The following OCIAD1 variants were observed in gnomAD, a reference collection of about 807,000 sequenced individuals.
OCIAD1 encodes the protein OCIA domain containing 1, also known as OCIA domain-containing protein 1.
OCIAD1 carries 29 observed loss-of-function variants against 38.9 expected under a neutral mutation model. The observed-to-expected ratio is 0.74, with a 90% CI of 0.55 to 1.02. OCIAD1 has a LOEUF of 1.02. Ranked by LOEUF, OCIAD1 falls within the 50% of genes least tolerant of loss-of-function variation. The probability of loss-of-function intolerance (pLI) is 0.00; values close to 1 mark genes in which losing one functional copy is unlikely to be tolerated. For synonymous variants in OCIAD1, 110 were observed against 92.0 expected (o/e 1.20, Z -1.12); for missense variants, 288 against 289.6 (o/e 0.99, Z 0.04).
intron 1 of OCIAD1, among the ~76,000 whole-genome samples, chr4:48,807,385 C>T (rs1777039300): frequency 6.6e-6 from 1 of 151,986 alleles, no homozygotes. Context: ...AATCCTGGAT[C>T]TACTACTTAT....
intron 6 of OCIAD1, among the ~76,000 whole-genome samples, chr4:48,850,838 G>A (rs930240657): frequency 2.0e-5 from 3 of 152,196 alleles, no homozygotes; most frequent in African/African-American, 7.2e-5. Context: ...GCCTCCCAAA[G>A]TGCTGGGATT....
At chr4:48,831,352 T>G in intron 1 of OCIAD1, 103 bp downstream of exon 1, 2 of 479,896 alleles carry the variant, frequency 4.2e-6, no homozygotes, top group Non-Finnish European at 3.8e-6. Flanking sequence ...TTTTCCTGCC[T>G]GTGAGGGTGG....
intron 1 of OCIAD1, among the ~76,000 whole-genome samples, chr4:48,806,082 C>T (rs1360239186): frequency 1.3e-5 from 2 of 152,170 alleles, no homozygotes; most frequent in Admixed American, 6.6e-5. Flanking sequence ...GCCTGGCCAA[C>T]ATGGTGAAAC....
chr4:48,850,152 A>G (rs1779306802), intron 6 of OCIAD1, 70 bp downstream of exon 6: 1 of 1,510,172 alleles, frequency 6.6e-7, no homozygotes, highest in South Asian at 1.2e-5. Context: ...GCTATAACTC[A>G]TGGCTCAAAA....
chr4:48,806,353 C>G (rs1777024342), intron 1 of OCIAD1, among the ~76,000 whole-genome samples: 1 of 152,172 alleles, frequency 6.6e-6, no homozygotes, highest in Non-Finnish European at 1.5e-5. Flanking sequence ...TTTTGGACAA[C>G]TTTGGAAAAG....
At chr4:48,825,276 C>G (rs1777238027) in intron 1 of OCIAD1, among the ~76,000 whole-genome samples, 1 of 152,194 alleles carries the variant, frequency 6.6e-6, no homozygotes, top group Admixed American at 6.5e-5. Flanking sequence ...CTAGCTGCAC[C>G]TTGGGATTCC....
intron 3 of OCIAD1, among the ~76,000 whole-genome samples, chr4:48,840,157 T>A (rs1166996142): frequency 6.6e-6 from 1 of 152,252 alleles, no homozygotes; most frequent in South Asian, 2.1e-4. Flanking sequence ...AAAGACATTG[T>A]GGTGAATGGC....
chr4:48,806,033 G>A (rs1362938474), intron 1 of OCIAD1, among the ~76,000 whole-genome samples: 4 of 152,164 alleles, frequency 2.6e-5, no homozygotes, highest in East Asian at 1.9e-4. Flanking sequence ...TTGGGAGGCC[G>A]AGGCAGGCAG....
At chr4:48,822,808 A>G (rs551207537) in intron 1 of OCIAD1, among the ~76,000 whole-genome samples, 148 of 152,372 alleles carry the variant, frequency 9.7e-4, no homozygotes, top group African/African-American at 3.4e-3. Context: ...ATCACTGGTC[A>G]TTAGAGAAAT....
chr4:48,816,973 C>CA (rs1375179526), intron 1 of OCIAD1, among the ~76,000 whole-genome samples: 8 of 151,878 alleles, frequency 5.3e-5, no homozygotes, highest in Non-Finnish European at 1.0e-4. Flanking sequence ...CCCTCCTCCC[C>CA]AAAAAAAGGG....
chr4:48,859,659 C>T (rs1435057782), intron 8 of OCIAD1, among the ~76,000 whole-genome samples: 1 of 151,882 alleles, frequency 6.6e-6, no homozygotes, highest in Non-Finnish European at 1.5e-5. Flanking sequence ...TTTTTGTGTG[C>T]TTTATATAAT....
At chr4:48,849,837 AAACCAAAGACTTATTTAG>A in intron 5 of OCIAD1, 92 bp from the exon 6 acceptor site, 1 of 871,380 alleles carries the variant, frequency 1.1e-6, no homozygotes, top group East Asian at 2.6e-5. Context: ...CAGTCTTTCT[AAACCAAAGACTTATTTAG>A]AATCACACTT....
At chr4:48,852,825 C>A (rs1380288860) in intron 7 of OCIAD1, among the ~76,000 whole-genome samples, 1 of 149,222 alleles carries the variant, frequency 6.7e-6, no homozygotes, top group African/African-American at 2.5e-5. Flanking sequence ...GTCTGTAATT[C>A]TTTATCTAAA....
intron 1 of OCIAD1, among the ~76,000 whole-genome samples, chr4:48,815,823 T>C (rs1432926365): frequency 6.6e-6 from 1 of 152,230 alleles, no homozygotes; most frequent in African/African-American, 2.4e-5. Flanking sequence ...CATAAATTCA[T>C]TGAATATGAA....
intron 1 of OCIAD1, among the ~76,000 whole-genome samples, chr4:48,822,322 G>C (rs1439732076): frequency 1.3e-5 from 2 of 152,166 alleles, no homozygotes; most frequent in African/African-American, 4.8e-5. Context: ...AAATGGTGCT[G>C]GGAAAACTGG....
intron 4 of OCIAD1, among the ~76,000 whole-genome samples, chr4:48,843,813 G>C (rs1778743643): frequency 6.6e-6 from 1 of 152,132 alleles, no homozygotes; most frequent in South Asian, 2.1e-4. Context: ...TTATTGTTCT[G>C]CTTCTTTTAT....
intron 1 of OCIAD1, chr4:48,831,622 C>G: frequency 9.1e-7 from 1 of 1,101,826 alleles, no homozygotes; most frequent in Non-Finnish European, 1.2e-6. Flanking sequence ...GCCGTGTCAG[C>G]CCTGACAGTC....
Position 48,848,443 on chromosome 4 carries a change from A to G in OCIAD1, c.238A>G (p.Ile80Val). Residue 80 changes from isoleucine (I) to valine (V), a missense_variant, in exon 5 of 9, where the codon ATA becomes GTA. Coordinates refer to ENST00000264312, the MANE Select transcript of OCIAD1 (RefSeq NM_017830.4). ...CAAATATGGTTCCATCCCTAAACTT[A>G]TACGTAAGTATGAACAACATTGTAG... ...HPKYGSIPKLILACIMGYFAG... is the reference protein window; with the variant it reads ...HPKYGSIPKLVLACIMGYFAG... The G allele has an allele frequency of 6.9e-7, 1 of 1,440,974 alleles. No homozygotes were observed. The highest frequency in any genetic ancestry group is 9.7e-7 in the Non-Finnish European group (1 of 1,033,186). The allele number at this position is 1,440,974 out of a possible 1,614,324, so 89.3% of individuals were successfully genotyped here.
chr4:48,825,055 TAA>T (rs1288046027), intron 1 of OCIAD1, among the ~76,000 whole-genome samples: 5 of 152,166 alleles, frequency 3.3e-5, no homozygotes, highest in Non-Finnish European at 7.3e-5. Context: ...TAATTTCAAA[TAA>T]GTCAAAATAA....
Sources: gnomAD v4.1 joint callset for allele counts (sites outside exome capture counted in the v4.1 genomes callset) on GRCh38, gnomAD v4.1.1 for gene constraint, MANE v1.5 for transcripts, NCBI Gene and HGNC (gene_info 2026-07-23, HGNC 2026-07-21) for gene names.